The following HMCN1 variants were observed in gnomAD, a reference collection of about 807,000 sequenced individuals.
The protein encoded by HMCN1 is hemicentin 1, also known as hemicentin-1.
In HMCN1, 321 loss-of-function variants were observed where a neutral mutation model predicts 625.9. The ratio of observed to expected loss-of-function variants is 0.51; its 90% CI spans 0.47 to 0.56. HMCN1 has a LOEUF of 0.56. Among genes scored for constraint, HMCN1 ranks in the 20% least tolerant of loss-of-function variants. The pLI is 0.00. For missense variants in HMCN1, 6,588 were observed against 6,887.3 expected, an observed-to-expected ratio of 0.96 and a Z score of 1.54; for synonymous variants, 2,425 against 2,417.6, an observed-to-expected ratio of 1.00 and a Z score of -0.09.
intron 1 of HMCN1, among the ~76,000 whole-genome samples, chr1:185,804,245 G>C (rs1365359447): frequency 6.6e-6 from 1 of 151,946 alleles, no homozygotes; most frequent in Non-Finnish European, 1.5e-5. Flanking sequence ...ATTACCCATA[G>C]AGTATTACAA....
intron 11 of HMCN1, among the ~76,000 whole-genome samples, chr1:185,945,846 C>T (rs1668314665): frequency 6.6e-6 from 1 of 152,152 alleles, no homozygotes. Context: ...TTTCTTTTCA[C>T]TCTTGTCTTT....
rs1288546587 is a variant in HMCN1, at chr1:185,848,163, T to TCCTTACTCCC, written c.339+2067_339+2068insCCTTACTCCC. ...CAACCGCATTGTCTATGTTCACTGC[T>TCCTTACTCCC]ATCATTTCCTTACTCCCATTTCTGC... On this transcript the variant is annotated intron_variant, in intron 2 of 106. Transcript: ENST00000271588. Among the ~76,000 whole-genome samples, 329 of 152,310 alleles carry TCCTTACTCCC rather than the reference T, an allele frequency of 2.2e-3. 2 individuals are homozygous for TCCTTACTCCC. Among genetic ancestry groups the TCCTTACTCCC allele is most frequent in the African/African-American group, 7.5e-3 (311 of 41,552 alleles).
At position 186,105,268 on chromosome 1, in the gene HMCN1, A is replaced by C. The variant is rs139837943; in HGVS notation, c.10770+1600A>C. Among the ~76,000 whole-genome samples the C allele has an allele frequency of 2.9e-3, 441 of 151,962 alleles. 3 individuals carry two copies. Among genetic ancestry groups the C allele is most frequent in the African/African-American group, 0.01 (416 of 41,252 alleles). ...ATTAAAAACAATATGGAAGTGGAAA[A>C]TTAAATATCATTAAGCCCCCAGACT... On this transcript the variant is annotated intron_variant, in intron 69 of 106. Coordinates refer to ENST00000271588, the MANE Select transcript of HMCN1 (RefSeq NM_031935.3).
At chr1:186,142,184 TTTG>T (rs1363396635) in intron 89 of HMCN1, among the ~76,000 whole-genome samples, 6 of 152,128 alleles carry the variant, frequency 3.9e-5, no homozygotes, top group Non-Finnish European at 8.8e-5. Context: ...GGCCCCAGTG[TTTG>T]TTGTTCCCCT....
chr1:186,001,498 T>C, intron 27 of HMCN1, 70 bp downstream of exon 27: 1 of 1,597,362 alleles, frequency 6.3e-7, no homozygotes, highest in Non-Finnish European at 8.6e-7. Flanking sequence ...CAGATGTTCA[T>C]TTCTTACTAC....
chr1:185,974,241 C>T (rs1651037852), intron 15 of HMCN1, among the ~76,000 whole-genome samples: 1 of 152,096 alleles, frequency 6.6e-6, no homozygotes, highest in Non-Finnish European at 1.5e-5. Context: ...ACCATAGATA[C>T]ATTAAACTAA....
chr1:185,863,985 C>G (rs1663025264), intron 2 of HMCN1, among the ~76,000 whole-genome samples: 1 of 152,152 alleles, frequency 6.6e-6, no homozygotes, highest in African/African-American at 2.4e-5. Flanking sequence ...GTAGTTAGCC[C>G]TAGCCATGGG....
At chr1:185,896,335 TA>T (rs1447127617) in intron 4 of HMCN1, among the ~76,000 whole-genome samples, 3 of 152,104 alleles carry the variant, frequency 2.0e-5, no homozygotes, top group Non-Finnish European at 4.4e-5. Context: ...TACATAGTAT[TA>T]ATAAGTATGT....
intron 4 of HMCN1, among the ~76,000 whole-genome samples, chr1:185,898,991 A>G (rs1665651633): frequency 6.6e-6 from 1 of 152,042 alleles, no homozygotes; most frequent in African/African-American, 2.4e-5. Context: ...AGATTGAGTG[A>G]AGGCAATAAA....
At position 186,120,061 on chromosome 1, in the gene HMCN1, G is replaced by C; in HGVS notation, c.12145G>C (p.Val4049Leu). 2 of 1,613,976 alleles carry C rather than the reference G, an allele frequency of 1.2e-6. No individual in the cohort carries two copies. Among genetic ancestry groups the C allele is most frequent in the Non-Finnish European group, 1.7e-6 (2 of 1,179,968 alleles). The stretch of plus-strand genomic sequence containing the variant: ...TGGCGGCTTACAGATCTCCAGAGCT[G>C]TCCGAGAGGATGCTGGCACTTACAT... The part of the protein sequence containing the change: ...PSGGLQISRA[V>L]REDAGTYMCV... The change falls in exon 80 of 107, where the codon GTC (valine) becomes CTC (leucine). Residue 4049 changes from valine (V) to leucine (L), a missense_variant. By Grantham distance (32) the Val-to-Leu change is conservative. This residue lies in a region of HMCN1 where 1,954 missense variants were observed against 2,013.1 expected (regional missense o/e 0.97). Coordinates refer to ENST00000271588, the MANE Select transcript of HMCN1 (RefSeq NM_031935.3).
chr1:186,113,040 A>T, intron 72 of HMCN1, 87 bp downstream of exon 72: 1 of 1,474,908 alleles, frequency 6.8e-7, no homozygotes, highest in East Asian at 2.3e-5. Flanking sequence ...TGAGCATACT[A>T]AATGAAGCCT....
At chr1:185,974,825 T>C (rs564464034) in intron 15 of HMCN1, among the ~76,000 whole-genome samples, 1 of 152,306 alleles carries the variant, frequency 6.6e-6, no homozygotes, top group African/African-American at 2.4e-5. Flanking sequence ...CATAATGCTG[T>C]TCTCAAAGCT....
At chr1:185,912,836 A>G (rs1454966464) in intron 6 of HMCN1, among the ~76,000 whole-genome samples, 2 of 152,126 alleles carry the variant, frequency 1.3e-5, no homozygotes, top group African/African-American at 4.8e-5. Flanking sequence ...AACTTGCTCT[A>G]GAATCTTTCT....
At chr1:185,840,885 A>G (rs1448938292) in intron 1 of HMCN1, among the ~76,000 whole-genome samples, 1 of 152,176 alleles carries the variant, frequency 6.6e-6, no homozygotes, top group Non-Finnish European at 1.5e-5. Flanking sequence ...AATTGGGAAA[A>G]TTGCTATTAA....
chr1:185,759,078 A>C (rs1465512705), intron 1 of HMCN1, among the ~76,000 whole-genome samples: 1 of 152,240 alleles, frequency 6.6e-6, no homozygotes, highest in Non-Finnish European at 1.5e-5. Context: ...CCTGAAAAGC[A>C]ATAGCTGTAC....
At chr1:186,177,303 CAAAA>C (rs58160762) in intron 103 of HMCN1, 7 of 123,974 alleles carry the variant, frequency 5.6e-5, no homozygotes, top group Non-Finnish European at 8.5e-5. Context: ...AACTCCATCT[CAAAA>C]AAAAAAAAAA....
Position 186,038,850 on chromosome 1 carries a change from A to G in HMCN1, c.5873A>G (p.Asn1958Ser). ...TCAGTTATTACATGGTACAAAGATA[A>G]TCGTCTACTCTCAGGTTCCACCAGC... ...PVPVITWYKD[N>S]RLLSGSTSMT... The change falls in exon 38 of 107, where the codon AAT (asparagine) becomes AGT (serine). Residue 1958 changes from asparagine (N) to serine (S), a missense_variant. Asn to Ser is a conservative substitution (Grantham distance 46). Coordinates refer to ENST00000271588, the MANE Select transcript of HMCN1 (RefSeq NM_031935.3). The G allele has an allele frequency of 1.2e-6, 2 of 1,604,348 alleles. No homozygotes were observed. The highest frequency in any genetic ancestry group is 2.2e-5 in the South Asian group (2 of 90,850).
intron 69 of HMCN1, among the ~76,000 whole-genome samples, chr1:186,104,001 T>C (rs1474278257): frequency 6.6e-6 from 1 of 152,172 alleles, no homozygotes; most frequent in Non-Finnish European, 1.5e-5. Flanking sequence ...CCAACATGCA[T>C]ATATATAAGG....
At position 186,117,050 on chromosome 1, in the gene HMCN1, C is replaced by T; in HGVS notation, c.11618C>T (p.Thr3873Ile). 6.2e-7 allele frequency: 1 copy of T among 1,613,434 alleles called. No homozygotes were observed. The highest frequency in any genetic ancestry group is 1.1e-5 in the South Asian group (1 of 91,064). Residue 3873 changes from threonine (T) to isoleucine (I), a missense_variant, in exon 76 of 107, where the codon ACC (threonine) becomes ATC (isoleucine). Physicochemically the swap from Thr to Ile is moderately conservative, Grantham distance 89. Coordinates refer to ENST00000271588, the MANE Select transcript of HMCN1 (RefSeq NM_031935.3). ...IISPSVDDTA[T>I]YECTVTNGAG... The stretch of plus-strand genomic sequence containing the variant: ...TCCCCTTCTGTGGATGACACTGCAA[C>T]CTATGAATGTACTGTGACAAACGGT...
Sources: allele counts gnomAD v4.1 joint callset (sites outside exome capture counted in the v4.1 genomes callset), GRCh38; gene constraint gnomAD v4.1.1; regional missense constraint gnomAD v4.1.1; transcripts MANE v1.5; gene names NCBI Gene and HGNC (gene_info 2026-07-23, HGNC 2026-07-21).